The following PRKG1 variants were observed in gnomAD, a reference collection of about 807,000 sequenced individuals.
PRKG1 encodes the protein cGMP-dependent protein kinase 1.
PRKG1 carries 35 observed loss-of-function variants against 88.1 expected under a neutral mutation model. The ratio of observed to expected loss-of-function variants is 0.40; its 90% confidence interval spans 0.30 to 0.53. PRKG1 has a LOEUF of 0.53. Ranked by LOEUF, PRKG1 falls within the 20% of genes least tolerant of loss-of-function variation. PRKG1 has a pLI of 0.59. For missense variants in PRKG1, 540 were observed against 839.8 expected, an observed-to-expected ratio of 0.64 and a Z score of 4.41; for synonymous variants, 303 against 292.5, an observed-to-expected ratio of 1.04 and a Z score of -0.37.
At chr10:52,165,247 G>C (rs1221581089) in intron 9 of PRKG1, among the ~76,000 whole-genome samples, 1 of 152,076 alleles carries the variant, frequency 6.6e-6, no homozygotes, top group African/African-American at 2.4e-5. Context: ...GAAGTGTAAG[G>C]TATCTCTTAA....
At chr10:51,415,053 C>G (rs1838199708) in intron 2 of PRKG1, among the ~76,000 whole-genome samples, 1 of 152,128 alleles carries the variant, frequency 6.6e-6, no homozygotes, top group South Asian at 2.1e-4. Flanking sequence ...AACATTATGA[C>G]TACTTTCATT....
chr10:52,157,225 G>A (rs1234758215), intron 8 of PRKG1, among the ~76,000 whole-genome samples: 2 of 141,830 alleles, frequency 1.4e-5, no homozygotes, highest in Non-Finnish European at 3.1e-5. Flanking sequence ...TACACACCAA[G>A]TATATATATA....
chr10:51,632,146 T>C (rs1839543161), intron 3 of PRKG1, among the ~76,000 whole-genome samples: 1 of 152,072 alleles, frequency 6.6e-6, no homozygotes, highest in African/African-American at 2.4e-5. Context: ...TTAGTATTAA[T>C]GTACTATATG....
intron 3 of PRKG1, among the ~76,000 whole-genome samples, chr10:51,804,036 G>A (rs1026433379): frequency 2.0e-5 from 3 of 152,174 alleles, no homozygotes; most frequent in Admixed American, 6.6e-5. Context: ...AAACTACCAC[G>A]TGGCAACTTT....
chr10:52,068,828 T>C (rs1279965324), intron 7 of PRKG1, among the ~76,000 whole-genome samples: 1 of 152,252 alleles, frequency 6.6e-6, no homozygotes, highest in Admixed American at 6.5e-5. Context: ...TCCTGTAAAC[T>C]AAGCCAATTG....
chr10:51,592,538 C>T (rs972170491), intron 3 of PRKG1, among the ~76,000 whole-genome samples: 3 of 152,112 alleles, frequency 2.0e-5, no homozygotes, highest in Admixed American at 1.3e-4. Flanking sequence ...TCCTGCCTGC[C>T]GTGATTATTG....
At position 51,240,039 on chromosome 10, in the gene PRKG1, C is replaced by T. The variant is rs114572224; in HGVS notation, c.478+86709C>T. 1.0e-3 allele frequency among the ~76,000 whole-genome samples: 156 copies of T among 152,328 alleles called. 1 individual carries two copies. The highest frequency in any genetic ancestry group is 3.4e-3 in the African/African-American group (140 of 41,578). On this transcript the variant is annotated intron_variant, in intron 2 of 17. Transcript: ENST00000373980. ...GCAAAGGGCCCACATGGCTCCCAGG[C>T]TTTCTCATCTGAGCAGGTATTAATT...
intron 2 of PRKG1, among the ~76,000 whole-genome samples, chr10:51,234,544 C>G (rs547514098): frequency 6.6e-6 from 1 of 152,222 alleles, no homozygotes; most frequent in South Asian, 2.1e-4. Context: ...TCTTACCAAA[C>G]AGGATTTATC....
At chr10:52,130,911 A>T (rs533925987) in intron 7 of PRKG1, among the ~76,000 whole-genome samples, 2 of 152,320 alleles carry the variant, frequency 1.3e-5, no homozygotes, top group African/African-American at 4.8e-5. Context: ...GGTGTTGGGG[A>T]TGAAAAGAAT....
intron 3 of PRKG1, among the ~76,000 whole-genome samples, chr10:51,534,556 T>C (rs1046458975): frequency 4.3e-5 from 2 of 47,048 alleles, no homozygotes; most frequent in African/African-American, 1.0e-4. Flanking sequence ...TAGTCCCAGC[T>C]ACTCGGGAGC....
chr10:51,858,409 A>T lies in PRKG1; in HGVS notation c.699-49098A>T, dbSNP rs10999797. On this transcript the variant is annotated intron_variant, in intron 4 of 17. Coordinates refer to ENST00000373980, the MANE Select transcript of PRKG1 (RefSeq NM_006258.4). ...ATATATAATATATATAATATATATA[A>T]AATATATATATAATATATATATATA... Among the ~76,000 whole-genome samples the T allele has an allele frequency of 9.1e-3, 260 of 28,516 alleles. 34 individuals carry two copies. Among genetic ancestry groups the T allele is most frequent in the Middle Eastern group, 0.019 (1 of 52 alleles). The allele number at this position is 28,516 out of a possible 152,430, so 18.7% of individuals were successfully genotyped here.
At chr10:52,279,074 T>C (rs1841941849) in intron 12 of PRKG1, among the ~76,000 whole-genome samples, 1 of 152,152 alleles carries the variant, frequency 6.6e-6, no homozygotes, top group Non-Finnish European at 1.5e-5. Flanking sequence ...CACAGATGCT[T>C]ACTCTTTAAG....
At chr10:51,935,973 A>T (rs1589435431) in intron 5 of PRKG1, among the ~76,000 whole-genome samples, 1 of 152,168 alleles carries the variant, frequency 6.6e-6, no homozygotes, top group Non-Finnish European at 1.5e-5. Flanking sequence ...CCCCTCCTAT[A>T]ATCTCTAACT....
chr10:51,573,252 T>A (rs1837803044), intron 3 of PRKG1, among the ~76,000 whole-genome samples: 1 of 151,900 alleles, frequency 6.6e-6, no homozygotes, highest in South Asian at 2.1e-4. Context: ...GCCCTGCAAA[T>A]ACAAACACTT....
chr10:51,113,728 T>TTA (rs1845032361), intron 1 of PRKG1, among the ~76,000 whole-genome samples: 1 of 92,440 alleles, frequency 1.1e-5, no homozygotes, highest in South Asian at 4.7e-4. Flanking sequence ...GCATTCTATT[T>TTA]AAAAAAAAAA....
chr10:51,690,245 C>T (rs565993962), intron 3 of PRKG1, among the ~76,000 whole-genome samples: 52 of 152,252 alleles, frequency 3.4e-4, no homozygotes, highest in African/African-American at 1.3e-3. Context: ...GAGAAATCCA[C>T]CCTCATGATC....
At chr10:51,130,807 G>A (rs1845546893) in intron 1 of PRKG1, among the ~76,000 whole-genome samples, 1 of 151,888 alleles carries the variant, frequency 6.6e-6, no homozygotes, top group African/African-American at 2.4e-5. Context: ...GGAGGCTGAG[G>A]CACACATTTG....
intron 2 of PRKG1, among the ~76,000 whole-genome samples, chr10:51,456,686 A>G (rs1335702038): frequency 6.6e-6 from 1 of 152,286 alleles, no homozygotes; most frequent in Non-Finnish European, 1.5e-5. Flanking sequence ...TTCACAACCT[A>G]TGCTTCTGAC....
At chr10:51,294,558 T>C (rs1306677324) in intron 2 of PRKG1, among the ~76,000 whole-genome samples, 2 of 152,184 alleles carry the variant, frequency 1.3e-5, no homozygotes, top group African/African-American at 4.8e-5. Context: ...GCAATAGTAA[T>C]TGTGGTTTTG....
Sources: allele counts gnomAD v4.1 joint callset (sites outside exome capture counted in the v4.1 genomes callset), GRCh38; gene constraint gnomAD v4.1.1; transcripts MANE v1.5; gene names NCBI Gene and HGNC (gene_info 2026-07-23, HGNC 2026-07-21).